SPICE1: variants seen among roughly 807,000 people sequenced by gnomAD.
SPICE1 encodes the protein spindle and centriole associated protein 1.
In SPICE1, 75 loss-of-function variants were observed where a neutral mutation model predicts 102.7. That is an observed-to-expected ratio of 0.73 (90% CI 0.61 to 0.88). SPICE1 has a LOEUF of 0.88. Ranked by LOEUF, SPICE1 falls within the 40% of genes least tolerant of loss-of-function variation. SPICE1 has a pLI of 0.00. For missense variants in SPICE1, 979 were observed against 1,020.1 expected, an observed-to-expected ratio of 0.96 and a Z score of 0.55; for synonymous variants, 308 against 350.3, an observed-to-expected ratio of 0.88 and a Z score of 1.35.
At chr3:113,448,742 C>T (rs1935574557) in intron 15 of SPICE1, 2 of 152,144 alleles carry the variant, frequency 1.3e-5, no homozygotes, top group South Asian at 4.1e-4. Context: ...AGGCTCCTGA[C>T]TTTGTGTGAC....
intron 7 of SPICE1, among the ~76,000 whole-genome samples, chr3:113,477,679 T>G (rs573360426): frequency 1.7e-4 from 25 of 150,328 alleles, no homozygotes; most frequent in Admixed American, 4.1e-4. Context: ...AGTAAACTAT[T>G]GCAAGGACAA....
intron 7 of SPICE1, among the ~76,000 whole-genome samples, chr3:113,469,789 T>C (rs893228645): frequency 4.6e-5 from 7 of 152,132 alleles, no homozygotes; most frequent in African/African-American, 1.4e-4. Flanking sequence ...ATAGGTATGT[T>C]TGCCCTTTCT....
Position 113,494,139 on chromosome 3 carries a change from G to C in SPICE1, c.295C>G (p.Leu99Val). 6.3e-7 allele frequency: 1 copy of C among 1,589,928 alleles called. No individual in the cohort carries two copies. Among genetic ancestry groups the C allele is most frequent in the Admixed American group, 1.7e-5 (1 of 58,468 alleles). ...TCTTGCATCTGGTATTGATCAGAAA[G>C]AATCTAGACATGTGTTAATGACAAA... ...KRRLSIMKEI[L>V]SDQYQMQDVL... Residue 99 changes from leucine to valine, a missense_variant, in exon 5 of 18, where the codon CTT (leucine) becomes GTT (valine). By Grantham distance (32) the Leu-to-Val change is conservative. Coordinates refer to ENST00000295872, the MANE Select transcript of SPICE1 (RefSeq NM_144718.4).
At chr3:113,445,965 C>A (rs929212361) in intron 17 of SPICE1, among the ~76,000 whole-genome samples, 1 of 152,192 alleles carries the variant, frequency 6.6e-6, no homozygotes, top group Non-Finnish European at 1.5e-5. Context: ...GATATCCTCA[C>A]AATTTACCAT....
Position 113,507,982 on chromosome 3 carries a change from T to C in SPICE1, c.1-1377A>G, listed in dbSNP as rs201331056. Among the ~76,000 whole-genome samples, 26 of 152,222 alleles carry C rather than the reference T, an allele frequency of 1.7e-4. No homozygotes were observed. In the East Asian group the frequency reaches 4.6e-3, roughly 27 times the overall value. On this transcript the variant is annotated intron_variant, in intron 1 of 17. Transcript: ENST00000295872. ...GAACAAAGAGTCTAAAACAAACCCT[T>C]ACATTTATGGTCAGTTTTTCAACAT...
Position 113,450,441 on chromosome 3 carries a change from C to T in SPICE1, c.2218G>A (p.Glu740Lys). The part of the protein sequence containing the change: ...RIAELNRQSM[E>K]ARGKLLQLIE... ...AACTGCAGTAGTTTTCCACGAGCCT[C>T]CATACTTTGTCGATTCAATTCTGCA... is the stretch of plus-strand genomic sequence containing the variant. The change falls in exon 15 of 18, where the codon GAG becomes AAG. Residue 740 changes from glutamate to lysine, a missense_variant. Glu to Lys is a moderately conservative substitution (Grantham distance 56). Coordinates refer to ENST00000295872, the MANE Select transcript of SPICE1 (RefSeq NM_144718.4). 6.2e-7 allele frequency: 1 copy of T among 1,613,962 alleles called. No individual in the cohort carries two copies. The highest frequency in any genetic ancestry group is 8.5e-7 in the Non-Finnish European group (1 of 1,180,012).
In SPICE1 at chr3:113,485,577, G is replaced by A. The variant is rs552171188; in HGVS notation, c.611+3368C>T. Among the ~76,000 whole-genome samples, 14 of 152,270 alleles carry A rather than the reference G, an allele frequency of 9.2e-5. No individual in the cohort carries two copies. In the South Asian group the frequency reaches 2.9e-3, roughly 32 times the overall value. On this transcript the variant is annotated intron_variant, in intron 7 of 17. Transcript: ENST00000295872. ...TCTGGAAAAAAAAGCAGCAGCCCCA[G>A]TCAGGGACTTATAAATAAAACCCCC...
chr3:113,491,428 G>A (rs1936762256), intron 6 of SPICE1, among the ~76,000 whole-genome samples: 9 of 151,480 alleles, frequency 5.9e-5, no homozygotes, highest in Admixed American at 5.3e-4. Flanking sequence ...AGACCATCCT[G>A]GATAACATGG....
chr3:113,481,874 CA>C (rs1333320997), intron 7 of SPICE1, among the ~76,000 whole-genome samples: 1 of 152,144 alleles, frequency 6.6e-6, no homozygotes, highest in Non-Finnish European at 1.5e-5. Context: ...ATGCAATAAA[CA>C]TATGTGTCCA....
rs762280964 is a variant in SPICE1 at position 113,453,958 on chromosome 3, T to C, written c.1658-8A>G. Reference sequence around the variant, plus strand: ...GAACAGTCCTTCTCAATACTATAGATAAGAATTTAAAAATAACAAATATGT... The same window carrying C: ...GAACAGTCCTTCTCAATACTATAGACAAGAATTTAAAAATAACAAATATGT... On this transcript the variant is annotated splice_polypyrimidine_tract_variant and splice_region_variant and intron_variant, in intron 13 of 17. Coordinates refer to ENST00000295872, the MANE Select transcript of SPICE1 (RefSeq NM_144718.4). 4 of 1,575,288 alleles carry C rather than the reference T, an allele frequency of 2.5e-6. No homozygotes were observed. In the Admixed American group the frequency reaches 7.6e-5, roughly 30 times the overall value.
chr3:113,502,494 A>G (rs1038854361), intron 3 of SPICE1, among the ~76,000 whole-genome samples: 2 of 152,204 alleles, frequency 1.3e-5, no homozygotes, highest in Non-Finnish European at 2.9e-5. Flanking sequence ...AGAACTGGGC[A>G]CAAGGAGTGA....
intron 13 of SPICE1, 144 bp downstream of exon 13, chr3:113,456,992 T>C: frequency 1.4e-6 from 1 of 714,546 alleles, no homozygotes; most frequent in Non-Finnish European, 2.3e-6. Context: ...ACACATAGCA[T>C]GAAAATTCTT....
intron 7 of SPICE1, among the ~76,000 whole-genome samples, chr3:113,483,372 C>A (rs973355353): frequency 1.3e-5 from 2 of 152,154 alleles, no homozygotes; most frequent in African/African-American, 4.8e-5. Context: ...TTGACTTCCT[C>A]TTTTCCTACT....
At chr3:113,500,168 C>A (rs1303146035) in intron 3 of SPICE1, among the ~76,000 whole-genome samples, 1 of 152,140 alleles carries the variant, frequency 6.6e-6, no homozygotes, top group African/African-American at 2.4e-5. Flanking sequence ...GAGATACGCG[C>A]CACAGATCTC....
chr3:113,464,642 GTC>G (rs1197983420), intron 11 of SPICE1, among the ~76,000 whole-genome samples: 11 of 152,070 alleles, frequency 7.2e-5, no homozygotes, highest in African/African-American at 2.7e-4. Flanking sequence ...TACTTGTCTA[GTC>G]TCTTCTGGCT....
intron 11 of SPICE1, among the ~76,000 whole-genome samples, chr3:113,463,088 A>G (rs1935970518): frequency 6.6e-6 from 1 of 151,948 alleles, no homozygotes; most frequent in Non-Finnish European, 1.5e-5. Flanking sequence ...AGCTACCCAC[A>G]TGCTCACTCC....
At chr3:113,494,017 A>G (rs1178950467) in intron 5 of SPICE1, 32 bp downstream of exon 5, 1 of 1,469,874 alleles carries the variant, frequency 6.8e-7, no homozygotes, top group East Asian at 2.3e-5. Context: ...TACAGTTAAT[A>G]AAATAGAGAA....
intron 13 of SPICE1, among the ~76,000 whole-genome samples, chr3:113,456,610 G>C (rs1370581153): frequency 3.3e-5 from 5 of 152,130 alleles, no homozygotes; most frequent in Non-Finnish European, 7.3e-5. Context: ...CTCTACCTGT[G>C]AGCTGCAAGA....
Position 113,488,935 on chromosome 3 carries a change from A to G in SPICE1, c.611+10T>C. ...TGAGAGTTGTAAATATTTATGCCAT[A>G]TACACATACCTGTCTGTATTCGTGT... On this transcript the variant is annotated intron_variant, in intron 7 of 17. Transcript: ENST00000295872. 1.3e-6 allele frequency: 2 copies of G among 1,532,910 alleles called. No individual in the cohort carries two copies. The highest frequency in any genetic ancestry group is 1.4e-5 in the African/African-American group (1 of 73,420). The allele number at this position is 1,532,910 out of a possible 1,614,324, so 95.0% of individuals were successfully genotyped here. A position where few individuals can be genotyped will look rare whatever the true frequency, so the allele number is the denominator to read the frequency against.
Sources: allele counts gnomAD v4.1 joint callset (sites outside exome capture counted in the v4.1 genomes callset), GRCh38; gene constraint gnomAD v4.1.1; transcripts MANE v1.5; gene names NCBI Gene and HGNC (gene_info 2026-07-23, HGNC 2026-07-21).